The following PCDH11X variants were observed in gnomAD, a reference collection of about 807,000 sequenced individuals.
PCDH11X encodes the protein protocadherin-11 X-linked.
Under a neutral mutation model 53.3 loss-of-function variants are expected in PCDH11X, and 18 were observed. The observed-to-expected ratio is 0.34, with a 90% CI of 0.23 to 0.50. The LOEUF is 0.50. PCDH11X is among the 20% of genes least tolerant of loss of function. PCDH11X has a pLI of 0.98. For missense variants in PCDH11X, 570 were observed against 1,032.4 expected, an observed-to-expected ratio of 0.55 and a Z score of 6.14; for synonymous variants, 279 against 393.3, an observed-to-expected ratio of 0.71 and a Z score of 3.44.
At chrX:92,593,034 A>C (rs1200046410) in intron 10 of PCDH11X, among the ~76,000 whole-genome samples, 1 of 110,721 alleles carries the variant, frequency 9.0e-6, no homozygotes, top group Non-Finnish European at 1.9e-5. Flanking sequence ...TTCAGAAAGA[A>C]ACTTTAACAT....
intron 6 of PCDH11X, among the ~76,000 whole-genome samples, chrX:92,015,790 T>C (rs2525227): frequency 1.8e-5 from 2 of 111,817 alleles, no homozygotes; most frequent in Non-Finnish European, 3.8e-5. Context: ...TTCTTCCAAG[T>C]TCTTGTCAAT....
intron 6 of PCDH11X, among the ~76,000 whole-genome samples, chrX:92,177,853 A>C (rs920950886): frequency 1.4e-4 from 15 of 110,880 alleles, no homozygotes; most frequent in Middle Eastern, 4.8e-3. Context: ...ATTATATATT[A>C]ATGATAAATT....
chrX:92,492,364 CAATT>C (rs1351255706), intron 10 of PCDH11X, among the ~76,000 whole-genome samples: 4 of 111,475 alleles, frequency 3.6e-5, no homozygotes, highest in African/African-American at 1.3e-4. Flanking sequence ...GGCTGTAATT[CAATT>C]AGTTTGAATT....
At position 92,594,325 on chromosome X, in the gene PCDH11X, C is replaced by T. The variant is rs55955116; in HGVS notation, c.3368-23939C>T. On this transcript the variant is annotated intron_variant, in intron 10 of 10. Coordinates refer to ENST00000682573, the MANE Select transcript of PCDH11X (RefSeq NM_032968.5). Reference sequence around the variant, plus strand: ...AGCCTTTAGGAGCAGATATTAAATACTCTAAAGTCCAAAAGAGATATATTT... The same window carrying T: ...AGCCTTTAGGAGCAGATATTAAATATTCTAAAGTCCAAAAGAGATATATTT... Among the ~76,000 whole-genome samples the T allele has an allele frequency of 4.5e-3, 501 of 111,129 alleles. 1 individual carries two copies. The highest frequency in any genetic ancestry group is 7.7e-3 in the Admixed American group (80 of 10,406).
At position 92,261,429 on chromosome X, in the gene PCDH11X, C is replaced by A. The variant is rs1410309178; in HGVS notation, c.3115-1685C>A. 8.1e-5 allele frequency among the ~76,000 whole-genome samples: 9 copies of A among 111,616 alleles called. 1 individual carries two copies. In the Admixed American group the frequency reaches 8.6e-4, roughly 11 times the overall value. ...AAATGATAAGGAAAGGAAATGCTCA[C>A]CCCAACTTCTTCATTAGCTTAAATG... On this transcript the variant is annotated intron_variant, in intron 7 of 10. Transcript: ENST00000682573.
chrX:91,868,702 C>T (rs1939119094), intron 5 of PCDH11X, among the ~76,000 whole-genome samples: 1 of 111,560 alleles, frequency 9.0e-6, no homozygotes, highest in South Asian at 3.7e-4. Context: ...TATTAATAAG[C>T]AATCAGTTAG....
chrX:91,805,233 A>AC (rs1346747526), intron 1 of PCDH11X, among the ~76,000 whole-genome samples: 2 of 108,826 alleles, frequency 1.8e-5, no homozygotes, highest in Non-Finnish European at 3.9e-5. Context: ...TATACAAAAA[A>AC]CATACAAGTT....
Position 92,305,219 on chromosome X carries a change from A to G in PCDH11X, c.3144+42076A>G, listed in dbSNP as rs778062949. On this transcript the variant is annotated intron_variant, in intron 8 of 10. Coordinates refer to ENST00000682573, the MANE Select transcript of PCDH11X (RefSeq NM_032968.5). ...AGCCTAAAAGCTGTTGTACTAGTCT[A>G]CAAGGACTGCCATAACAGTTATGAG... is the stretch of plus-strand genomic sequence containing the variant. 7.2e-5 allele frequency among the ~76,000 whole-genome samples: 8 copies of G among 111,291 alleles called. No homozygotes were observed. The East Asian group carries it at 2.0e-3, about 27-fold the overall frequency.
At chrX:92,318,873 T>A (rs1327424795) in intron 8 of PCDH11X, among the ~76,000 whole-genome samples, 1 of 111,478 alleles carries the variant, frequency 9.0e-6, no homozygotes, top group Non-Finnish European at 1.9e-5. Context: ...TTAAAAACCA[T>A]AAAGGAAATC....
At chrX:92,505,060 C>T (rs754301102) in intron 10 of PCDH11X, among the ~76,000 whole-genome samples, 2 of 107,391 alleles carry the variant, frequency 1.9e-5, no homozygotes, top group East Asian at 5.8e-4. Context: ...GATATTAGGC[C>T]TTTGTTGGAT....
At chrX:92,366,858 CTGTT>C (rs775558565) in intron 8 of PCDH11X, among the ~76,000 whole-genome samples, 212 of 109,361 alleles carry the variant, frequency 1.9e-3, no homozygotes, top group Non-Finnish European at 2.2e-3. Context: ...GTCTGAGAGA[CTGTT>C]TGTTATGATT....
At chrX:91,875,722 T>TAA (rs1236840027) in intron 5 of PCDH11X, among the ~76,000 whole-genome samples, 2 of 106,516 alleles carry the variant, frequency 1.9e-5, no homozygotes, top group African/African-American at 6.8e-5. Flanking sequence ...GCTTGCATGT[T>TAA]AAAAAAAAAA....
At chrX:91,975,378 G>T in intron 6 of PCDH11X, among the ~76,000 whole-genome samples, 1 of 111,793 alleles carries the variant, frequency 8.9e-6, no homozygotes, top group South Asian at 3.8e-4. Context: ...GTTCAGTTTT[G>T]GACGTCTTAA....
At chrX:92,200,500 C>T (rs886346070) in intron 6 of PCDH11X, among the ~76,000 whole-genome samples, 1 of 112,124 alleles carries the variant, frequency 8.9e-6, no homozygotes, top group Non-Finnish European at 1.9e-5. Context: ...TATTGCAGCA[C>T]TAATCACAAT....
chrX:91,884,572 C>T (rs1190104884), intron 6 of PCDH11X, among the ~76,000 whole-genome samples: 1 of 111,269 alleles, frequency 9.0e-6, no homozygotes, highest in East Asian at 2.8e-4. Flanking sequence ...AATGAATTCA[C>T]TTTTCACAGT....
intron 6 of PCDH11X, among the ~76,000 whole-genome samples, chrX:92,049,058 A>G (rs2063331465): frequency 1.8e-5 from 2 of 111,060 alleles, no homozygotes; most frequent in East Asian, 5.7e-4. Flanking sequence ...TGTGGAGACC[A>G]CGTTTTACAG....
chrX:92,042,672 T>A (rs1273975192), intron 6 of PCDH11X, among the ~76,000 whole-genome samples: 2 of 85,876 alleles, frequency 2.3e-5, no homozygotes, highest in African/African-American at 9.0e-5. Context: ...GGAGTCTTAC[T>A]CTGTTGCCCA....
intron 6 of PCDH11X, among the ~76,000 whole-genome samples, chrX:92,045,925 C>T (rs1219136436): frequency 9.9e-6 from 1 of 100,764 alleles, no homozygotes; most frequent in Non-Finnish European, 2.0e-5. Flanking sequence ...AGCAACAGAG[C>T]GAGACTCCAT....
intron 10 of PCDH11X, among the ~76,000 whole-genome samples, chrX:92,615,124 G>A (rs1417235557): frequency 9.0e-6 from 1 of 111,707 alleles, no homozygotes; most frequent in Admixed American, 9.5e-5. Flanking sequence ...GTCTGCATGT[G>A]TTGTGATGAA....
Sources: gnomAD v4.1 joint callset for allele counts (sites outside exome capture counted in the v4.1 genomes callset) on GRCh38, gnomAD v4.1.1 for gene constraint, MANE v1.5 for transcripts, NCBI Gene and HGNC (gene_info 2026-07-23, HGNC 2026-07-21) for gene names.